The following CAMKK2 variants were observed in gnomAD, a reference collection of about 807,000 sequenced individuals.
CAMKK2 encodes the protein calcium/calmodulin-dependent protein kinase kinase 2.
Under a neutral mutation model 67.2 loss-of-function variants are expected in CAMKK2, and 30 were observed. That is an observed-to-expected ratio of 0.45 (90% CI 0.33 to 0.61). The LOEUF is 0.61. Among genes scored for constraint, CAMKK2 ranks in the 20% least tolerant of loss-of-function variants. The probability of loss-of-function intolerance (pLI) is 0.02; values close to 1 mark genes in which losing one functional copy is unlikely to be tolerated. For missense variants in CAMKK2, 643 were observed against 802.0 expected (o/e 0.80, Z 2.39); for synonymous variants, 322 against 326.2 (o/e 0.99, Z 0.14).
At chr12:121,264,529 C>G (rs914961758) in intron 5 of CAMKK2, among the ~76,000 whole-genome samples, 1 of 152,076 alleles carries the variant, frequency 6.6e-6, no homozygotes, top group Non-Finnish European at 1.5e-5. Context: ...AATCCCAGCA[C>G]TTTGGGAGGC....
Position 121,256,831 on chromosome 12 carries a change from A to G in CAMKK2, c.797-1027T>C, listed in dbSNP as rs528095578. ...GTTGAGGGGCATATGGACTGTTTCT[A>G]CTCTTTGGCTGTTGGGAAGTGCTGC... On this transcript the variant is annotated intron_variant, in intron 7 of 16. Coordinates refer to ENST00000404169, the MANE Select transcript of CAMKK2 (RefSeq NM_001270485.2). 4.6e-5 allele frequency among the ~76,000 whole-genome samples: 7 copies of G among 151,804 alleles called. 1 individual carries two copies. In the South Asian group the frequency reaches 1.5e-3, roughly 32 times the overall value.
intron 7 of CAMKK2, among the ~76,000 whole-genome samples, chr12:121,257,915 G>A (rs1411896751): frequency 6.6e-6 from 1 of 152,046 alleles, no homozygotes; most frequent in Non-Finnish European, 1.5e-5. Context: ...AGGGAGGGTG[G>A]CCTGTTGAAA....
intron 5 of CAMKK2, among the ~76,000 whole-genome samples, chr12:121,264,160 C>G (rs908061985): frequency 4.6e-5 from 7 of 152,226 alleles, no homozygotes; most frequent in African/African-American, 1.7e-4. Context: ...TGAATTCCCT[C>G]CTTCCCGTCA....
chr12:121,273,408 G>C (rs545170965), intron 2 of CAMKK2, among the ~76,000 whole-genome samples: 70 of 152,174 alleles, frequency 4.6e-4, no homozygotes, highest in African/African-American at 1.4e-3. Flanking sequence ...GGATGGGAAA[G>C]GGTCAGACCA....
In CAMKK2 at chr12:121,248,745, C is replaced by G; in HGVS notation, c.1324-11G>C. On this transcript the variant is annotated splice_polypyrimidine_tract_variant and intron_variant, in intron 13 of 16. Transcript: ENST00000404169. ...GACCCAGGGGTGCAGCTTCAACGAA[C>G]GACAGGAGGGGTGAGGGGCAGGTGT... 1 of 1,613,778 alleles carries G rather than the reference C, an allele frequency of 6.2e-7. No individual in the cohort carries two copies. Among genetic ancestry groups the G allele is most frequent in the East Asian group, 2.2e-5 (1 of 44,884 alleles).
At chr12:121,290,551 G>A (rs1262805554) in intron 1 of CAMKK2, among the ~76,000 whole-genome samples, 5 of 152,100 alleles carry the variant, frequency 3.3e-5, no homozygotes, top group Admixed American at 1.3e-4. Context: ...TTAGCCAGGC[G>A]TGGTGGCGCA....
intron 5 of CAMKK2, among the ~76,000 whole-genome samples, chr12:121,267,493 A>AC (rs1894862293): frequency 7.1e-6 from 1 of 141,056 alleles, no homozygotes; most frequent in African/African-American, 2.6e-5. Flanking sequence ...TCTATTGCAT[A>AC]TTTTTTTTTC....
At chr12:121,271,045 T>C (rs1213420547) in intron 2 of CAMKK2, 100 bp from the exon 3 acceptor site, 5 of 874,358 alleles carry the variant, frequency 5.7e-6, no homozygotes, top group Non-Finnish European at 9.6e-6. Context: ...GAGACCAAGG[T>C]GGGAGGATCA....
chr12:121,256,490 C>T (rs924178655), intron 7 of CAMKK2, among the ~76,000 whole-genome samples: 2 of 152,174 alleles, frequency 1.3e-5, no homozygotes, highest in Non-Finnish European at 2.9e-5. Flanking sequence ...TCACAACTAT[C>T]TAGTTCCAGA....
chr12:121,241,181 C>A (rs562325370), intron 16 of CAMKK2, among the ~76,000 whole-genome samples: 1 of 152,314 alleles, frequency 6.6e-6, no homozygotes, highest in South Asian at 2.1e-4. Flanking sequence ...AAGTAGAAGG[C>A]ACCCCCCACC....
At chr12:121,286,906 T>G (rs888637050) in intron 1 of CAMKK2, among the ~76,000 whole-genome samples, 6 of 151,704 alleles carry the variant, frequency 4.0e-5, no homozygotes, top group Admixed American at 2.0e-4. Context: ...TTCCTTTTTT[T>G]GGGGGGCGGG....
rs947727545 is a variant in CAMKK2, at chr12:121,251,048, T to C, written c.1162-1014A>G. ...GCCTGACTCAAGAGCAGCTTGGTCA[T>C]GTGTGCTGGAAAAGGAATCCTTACA... On this transcript the variant is annotated intron_variant, in intron 11 of 16. Coordinates refer to ENST00000404169, the MANE Select transcript of CAMKK2 (RefSeq NM_001270485.2). Among the ~76,000 whole-genome samples the C allele has an allele frequency of 2.0e-5, 3 of 152,304 alleles. No homozygotes were observed. In the East Asian group the frequency reaches 5.8e-4, roughly 29 times the overall value.
chr12:121,259,801 G>C (rs1255277223), intron 7 of CAMKK2, among the ~76,000 whole-genome samples: 2 of 152,116 alleles, frequency 1.3e-5, no homozygotes, highest in Non-Finnish European at 2.9e-5. Flanking sequence ...ACCTAGAACA[G>C]TGCCCACCAT....
Position 121,240,415 on chromosome 12 carries a change from CG to C in CAMKK2, c.*283del, listed in dbSNP as rs2136113018. On this transcript the variant is annotated 3_prime_UTR_variant, in exon 17 of 17. Coordinates refer to ENST00000404169, the MANE Select transcript of CAMKK2 (RefSeq NM_001270485.2). The surrounding 1 kb of genome is among the most constrained non-coding windows in gnomAD (Gnocchi z 4.4). ...CAATGAAGGATTTTTGGCATAAAAA[CG>C]TTTTAAAAAGCAATTGTCCCAAAAT... The C allele has an allele frequency of 6.6e-7, 1 of 1,514,432 alleles. No homozygotes were observed. The highest frequency in any genetic ancestry group is 2.2e-5 in the Admixed American group (1 of 46,312). The allele number at this position is 1,514,432 out of a possible 1,614,324, so 93.8% of individuals were successfully genotyped here.
upstream of CAMKK2, chr12:121,297,486 GCTTTTTGTGAAATACAGCATATT>G: frequency 4.7e-6 from 2 of 422,242 alleles, no homozygotes; most frequent in South Asian, 3.3e-5. Flanking sequence ...CTACTTAGAT[GCTTTTTGTGAAATACAGCATATT>G]CTTCCCATTC....
rs201114832 is a variant in CAMKK2, at chr12:121,244,659, C to G, written c.1554-44G>C. The G allele has an allele frequency of 3.1e-3, 4,588 of 1,492,384 alleles. 16 individuals carry two copies. The highest frequency in any genetic ancestry group is 3.9e-3 in the Non-Finnish European group (4,334 of 1,100,226). The allele number at this position is 1,492,384 out of a possible 1,614,324, so 92.4% of individuals were successfully genotyped here. On this transcript the variant is annotated intron_variant, in intron 15 of 16. Coordinates refer to ENST00000404169, the MANE Select transcript of CAMKK2 (RefSeq NM_001270485.2). ...GGGAAAAGGGAAGTGAGAAGGGACC[C>G]TTGGGATCCACGGGATGCCCGTTCC...
chr12:121,280,590 C>T (rs575380999), intron 1 of CAMKK2, among the ~76,000 whole-genome samples: 2 of 151,956 alleles, frequency 1.3e-5, no homozygotes, highest in Admixed American at 6.6e-5. Context: ...GGAGAAATAT[C>T]GCTGAATTCT....
chr12:121,274,611 G>A, intron 1 of CAMKK2, 26 bp from the exon 2 acceptor site: 1 of 927,704 alleles, frequency 1.1e-6, no homozygotes, highest in South Asian at 1.7e-5. Context: ...GGGTCAGCTG[G>A]CCCAGCTCCT....
chr12:121,257,941 T>C (rs767429509), intron 7 of CAMKK2, among the ~76,000 whole-genome samples: 4 of 152,078 alleles, frequency 2.6e-5, no homozygotes, highest in Non-Finnish European at 5.9e-5. Context: ...CTATTTTCAG[T>C]CGCTAACAGT....
Sources: allele counts gnomAD v4.1 joint callset (sites outside exome capture counted in the v4.1 genomes callset), GRCh38; gene constraint gnomAD v4.1.1; non-coding constraint Gnocchi (gnomAD v3.1); transcripts MANE v1.5; gene names NCBI Gene and HGNC (gene_info 2026-07-23, HGNC 2026-07-21).